The following NYNRIN variants were observed in gnomAD, a reference collection of about 807,000 sequenced individuals.
The protein encoded by NYNRIN is NYN domain and retroviral integrase containing.
In NYNRIN, 86 loss-of-function variants were observed where a neutral mutation model predicts 146.6. The ratio of observed to expected loss-of-function variants is 0.59; its 90% CI spans 0.49 to 0.70. NYNRIN has a LOEUF of 0.70. Among genes scored for constraint, NYNRIN ranks in the 30% least tolerant of loss-of-function variants. The pLI is 0.00. For missense variants in NYNRIN, 2,191 were observed against 2,377.7 expected (o/e 0.92, Z 1.63); for synonymous variants, 1,027 against 1,001.3 (o/e 1.03, Z -0.48).
At chr14:24,410,731 C>T (rs1331177360) in intron 4 of NYNRIN, among the ~76,000 whole-genome samples, 2 of 152,346 alleles carry the variant, frequency 1.3e-5, no homozygotes, top group Admixed American at 1.3e-4. Flanking sequence ...GTGCAGAGCA[C>T]ACTCCCAGCA....
chr14:24,416,191 T>C lies in NYNRIN; in HGVS notation c.4442T>C (p.Leu1481Ser), dbSNP rs1236858889. 1.9e-6 allele frequency: 3 copies of C among 1,613,976 alleles called. No homozygotes were observed. The Admixed American group carries it at 5.0e-5, about 27-fold the overall frequency. Residue 1481 changes from leucine to serine, a missense_variant, in exon 9 of 9, where the codon TTA becomes TCA. Leu to Ser is a moderately radical substitution (Grantham distance 145). This residue lies in a region of NYNRIN where 1,291 missense variants were observed against 1,417.0 expected (regional missense o/e 0.91). Transcript: ENST00000382554. ...GGCAAGAGGCCCAATTTGCTGGCATTACAGCTGAGTGACAGCACCCTGGCC... is the reference window on the plus strand; with the variant it reads ...GGCAAGAGGCCCAATTTGCTGGCATCACAGCTGAGTGACAGCACCCTGGCC... ...AMGKRPNLLALQLSDSTLADI... is the reference protein window; with the variant it reads ...AMGKRPNLLASQLSDSTLADI...
intron 6 of NYNRIN, 166 bp from the exon 7 acceptor site, chr14:24,412,831 T>C (rs2042920557): frequency 1.8e-6 from 1 of 549,640 alleles, no homozygotes; most frequent in Non-Finnish European, 3.3e-6. Flanking sequence ...CTCACATGGC[T>C]GCATAGAGAA....
chr14:24,411,623 A>G lies in NYNRIN; in HGVS notation c.2642+173A>G, dbSNP rs977206788. 6.6e-6 allele frequency among the ~76,000 whole-genome samples: 1 copy of G among 152,088 alleles called. No individual in the cohort carries two copies. The highest frequency in any genetic ancestry group is 1.5e-5 in the Non-Finnish European group (1 of 68,014). On this transcript the variant is annotated intron_variant, in intron 6 of 8. Coordinates refer to ENST00000382554, the MANE Select transcript of NYNRIN (RefSeq NM_025081.3). This position sits in a 1 kb window ranked among gnomAD's most constrained non-coding sequence, Gnocchi z 4.3. ...CATCTGTCAGCAGAGGGATGGGCAC[A>G]TTGAGGAAAGGGCTTGAGGTTGGCT...
In NYNRIN at chr14:24,409,298, CA is replaced by C; in HGVS notation, c.1505del (p.Gln502ArgfsTer2). Reference sequence around the variant, plus strand: ...TGAGCCGGGGGATCAAGGGAGTATGCAGTTAGATTTTAAGGGACTGGAAGAG... The same window carrying C: ...TGAGCCGGGGGATCAAGGGAGTATGCGTTAGATTTTAAGGGACTGGAAGAG... Reference protein sequence around the residue: ...GGEPGDQGSMQLDFKGLEEGP... With the variant: ...GGEPGDQGSMXLDFKGLEEGP... On this transcript the variant is annotated frameshift_variant, in exon 4 of 9. Transcript: ENST00000382554. LOFTEE classifies it high-confidence loss of function. 1.2e-6 allele frequency: 2 copies of C among 1,614,018 alleles called. No homozygotes were observed. The highest frequency in any genetic ancestry group is 1.7e-6 in the Non-Finnish European group (2 of 1,179,884).
chr14:24,403,071 GC>G (rs950657859), intron 2 of NYNRIN, among the ~76,000 whole-genome samples: 90 of 152,328 alleles, frequency 5.9e-4, no homozygotes, highest in African/African-American at 1.7e-3. Context: ...TTCACGGCCA[GC>G]CCCTCTTCTC....
chr14:24,409,998 G>A lies in NYNRIN; in HGVS notation c.2204G>A (p.Ser735Asn), dbSNP rs182330062. Residue 735 changes from serine (S) to asparagine (N), a missense_variant, in exon 4 of 9, where the codon AGT becomes AAT. Coordinates refer to ENST00000382554, the MANE Select transcript of NYNRIN (RefSeq NM_025081.3). Reference sequence around the variant, plus strand: ...TCCAGTGGCACCTTGGCCCTCAGCAGTAAGCACCAGTTTCAGATGGAGGGG... The same window carrying A: ...TCCAGTGGCACCTTGGCCCTCAGCAATAAGCACCAGTTTCAGATGGAGGGG... The part of the protein sequence containing the change: ...PQSSGTLALS[S>N]KHQFQMEGLL... The A allele has an allele frequency of 4.6e-5, 74 of 1,613,848 alleles. 1 individual carries two copies. The East Asian group carries it at 1.6e-3, about 36-fold the overall frequency.
chr14:24,405,038 G>GAGAA (rs1566483337), intron 2 of NYNRIN, among the ~76,000 whole-genome samples: 4,342 of 148,632 alleles, frequency 0.029, 265 homozygotes, highest in Admixed American at 0.16. Context: ...GAGAGAATGT[G>GAGAA]TGTGTGTGAA....
At chr14:24,399,154 T>A (rs2042823367) in intron 1 of NYNRIN, 68 bp downstream of exon 1, 1 of 1,237,796 alleles carries the variant, frequency 8.1e-7, no homozygotes, top group Non-Finnish European at 1.1e-6. Flanking sequence ...GGGGCGTGGC[T>A]TAGGCGCCTG....
intron 2 of NYNRIN, among the ~76,000 whole-genome samples, chr14:24,403,007 G>A (rs1054359674): frequency 1.1e-4 from 16 of 152,124 alleles, no homozygotes; most frequent in African/African-American, 3.4e-4. Context: ...ATTAATTGAC[G>A]TTTGCTGCTA....
Position 24,417,148 on chromosome 14 carries a change from T to G in NYNRIN, c.5399T>G (p.Leu1800Arg). 1 of 1,613,926 alleles carries G rather than the reference T, an allele frequency of 6.2e-7. No individual in the cohort carries two copies. The highest frequency in any genetic ancestry group is 8.5e-7 in the Non-Finnish European group (1 of 1,179,852). Residue 1800 changes from leucine (L) to arginine (R), a missense_variant, in exon 9 of 9, where the codon CTC (leucine) becomes CGC (arginine). Transcript: ENST00000382554. Reference protein sequence around the residue: ...LLQLVGELLELHWRVADKASE... With the variant: ...LLQLVGELLERHWRVADKASE... ...CAGCTGGTGGGGGAGCTGCTGGAGCTCCACTGGAGGGTGGCTGACAAGGCG... is the reference window on the plus strand; with the variant it reads ...CAGCTGGTGGGGGAGCTGCTGGAGCGCCACTGGAGGGTGGCTGACAAGGCG...
At chr14:24,403,765 G>A (rs140418086) in intron 2 of NYNRIN, among the ~76,000 whole-genome samples, 164 of 152,354 alleles carry the variant, frequency 1.1e-3, no homozygotes, top group African/African-American at 3.8e-3. Context: ...CTGGAAAACT[G>A]CTCTCCAGTG....
Position 24,416,609 on chromosome 14 carries a change from G to A in NYNRIN, c.4860G>A (p.Glu1620=). The change falls in exon 9 of 9, where the codon GAG becomes GAA. Residue 1620 remains glutamate, a synonymous_variant. Coordinates refer to ENST00000382554, the MANE Select transcript of NYNRIN (RefSeq NM_025081.3). ...STAPWSNLQI[E]VVGPVTISEE... The stretch of plus-strand genomic sequence containing the variant: ...CCCCCTGGTCGAACCTGCAGATCGA[G>A]GTGGTGGGCCCGGTCACCATAAGTG... The A allele has an allele frequency of 6.2e-7, 1 of 1,613,980 alleles. No individual in the cohort carries two copies. The highest frequency in any genetic ancestry group is 1.1e-5 in the South Asian group (1 of 91,084).
intron 6 of NYNRIN, chr14:24,412,732 G>A (rs1383100963): frequency 5.7e-6 from 2 of 349,706 alleles, no homozygotes; most frequent in East Asian, 7.5e-5. Context: ...ATGTGCCTAT[G>A]CGTATAACAG....
Position 24,409,631 on chromosome 14 carries a change from T to C in NYNRIN, c.1837T>C (p.Leu613=). Residue 613 remains leucine (L), a synonymous_variant, in exon 4 of 9, where the codon TTG becomes CTG. Transcript: ENST00000382554. ...AQKTVVNQPV[L]VAQVEPTTPK... The stretch of plus-strand genomic sequence containing the variant: ...AAAAACAGTTGTGAATCAACCAGTG[T>C]TGGTAGCTCAAGTGGAACCCACAAC... 1 of 1,607,774 alleles carries C rather than the reference T, an allele frequency of 6.2e-7. No individual in the cohort carries two copies.
Position 24,415,463 on chromosome 14 carries a change from C to T in NYNRIN, c.3714C>T (p.Thr1238=), listed in dbSNP as rs1399925209. ...VVLDLSYASR[T]TADPEVREGR... ...TGGACCTTTCCTATGCCTCCCGGAC[C>T]ACTGCGGACCCTGAGGTGCGGGAGG... The change falls in exon 9 of 9, where the codon ACC becomes ACT. Residue 1238 remains threonine, a synonymous_variant. Coordinates refer to ENST00000382554, the MANE Select transcript of NYNRIN (RefSeq NM_025081.3). 1.9e-6 allele frequency: 3 copies of T among 1,613,958 alleles called. No homozygotes were observed. Among genetic ancestry groups the T allele is most frequent in the Non-Finnish European group, 1.7e-6 (2 of 1,179,874 alleles).
In NYNRIN at chr14:24,415,564, T is replaced by G; in HGVS notation, c.3815T>G (p.Leu1272Trp). 6.2e-7 allele frequency: 1 copy of G among 1,613,930 alleles called. No homozygotes were observed. The highest frequency in any genetic ancestry group is 8.5e-7 in the Non-Finnish European group (1 of 1,179,856). ...GACAAAGGCAAGAGGGCCCTGGAATTGGCCCTCCTCCAGGGCCTGCTGGGG... is the reference window on the plus strand; with the variant it reads ...GACAAAGGCAAGAGGGCCCTGGAATGGGCCCTCCTCCAGGGCCTGCTGGGG... ...VQDKGKRALE[L>W]ALLQGLLGEN... The change falls in exon 9 of 9, where the codon TTG becomes TGG. Residue 1272 changes from leucine (L) to tryptophan (W), a missense_variant. Around this residue, in one of 3 missense-constraint regions of NYNRIN, gnomAD observed 1,291 missense variants for 1,417.0 expected, o/e 0.91. Coordinates refer to ENST00000382554, the MANE Select transcript of NYNRIN (RefSeq NM_025081.3).
chr14:24,404,631 G>A (rs759775362), intron 2 of NYNRIN, among the ~76,000 whole-genome samples: 29 of 152,308 alleles, frequency 1.9e-4, no homozygotes, highest in Non-Finnish European at 3.8e-4. Context: ...GAGGCTGTGG[G>A]CAAGACTTGT....
chr14:24,417,673 T>C lies in NYNRIN; in HGVS notation c.*227T>C. ...AGAATTTGCCAAAGGCTGTCAGATA[T>C]GGGTCCCTGGCAGTTTTACACTGGG... On this transcript the variant is annotated 3_prime_UTR_variant, in exon 9 of 9. Transcript: ENST00000382554. 7.4e-6 allele frequency: 4 copies of C among 537,996 alleles called. No homozygotes were observed. The highest frequency in any genetic ancestry group is 1.2e-5 in the Non-Finnish European group (4 of 325,480). The allele number at this position is 537,996 out of a possible 1,614,324, so 33.3% of individuals were successfully genotyped here.
rs940669989 is a variant in NYNRIN at position 24,409,188 on chromosome 14, G to A, written c.1394G>A (p.Ser465Asn). The A allele has an allele frequency of 6.2e-7, 1 of 1,613,938 alleles. No homozygotes were observed. The highest frequency in any genetic ancestry group is 8.5e-7 in the Non-Finnish European group (1 of 1,179,852). ...KVTSLLVVPG[S>N]SDVKDKVSSD... is the part of the protein sequence containing the mutation. ...ACGAGTTTATTGGTGGTCCCTGGGAGCTCAGATGTAAAAGACAAAGTTAGC... is the reference window on the plus strand; with the variant it reads ...ACGAGTTTATTGGTGGTCCCTGGGAACTCAGATGTAAAAGACAAAGTTAGC... The change falls in exon 4 of 9, where the codon AGC (serine) becomes AAC (asparagine). Residue 465 changes from serine to asparagine, a missense_variant. By Grantham distance (46) the Ser-to-Asn change is conservative. Around this residue, in one of 3 missense-constraint regions of NYNRIN, gnomAD observed 895 missense variants for 941.2 expected, o/e 0.95. Coordinates refer to ENST00000382554, the MANE Select transcript of NYNRIN (RefSeq NM_025081.3).
Sources: allele counts gnomAD v4.1 joint callset (sites outside exome capture counted in the v4.1 genomes callset), GRCh38; gene constraint gnomAD v4.1.1; regional missense constraint gnomAD v4.1.1; non-coding constraint Gnocchi (gnomAD v3.1); transcripts MANE v1.5; gene names NCBI Gene and HGNC (gene_info 2026-07-23, HGNC 2026-07-21).